SPAG16: variants seen among roughly 807,000 people sequenced by gnomAD.
SPAG16 encodes sperm-associated antigen 16 protein.
SPAG16 carries 86 observed loss-of-function variants against 80.4 expected under a neutral mutation model. That is an observed-to-expected ratio of 1.07 (90% CI 0.90 to 1.28). SPAG16 has a LOEUF of 1.28. Ranked by LOEUF, SPAG16 falls within the 50% of genes most tolerant of loss-of-function variation. The probability of loss-of-function intolerance (pLI) is 0.00; values close to 1 mark genes in which losing one functional copy is unlikely to be tolerated. For missense variants in SPAG16, 870 were observed against 765.3 expected, an observed-to-expected ratio of 1.14 and a Z score of -1.61; for synonymous variants, 294 against 265.9, an observed-to-expected ratio of 1.11 and a Z score of -1.03.
chr2:214,265,337 G>T (rs1318980630), intron 15 of SPAG16, among the ~76,000 whole-genome samples: 1 of 151,930 alleles, frequency 6.6e-6, no homozygotes, highest in Non-Finnish European at 1.5e-5. Flanking sequence ...GTTTTAATTT[G>T]CAATTTCCTG....
intron 15 of SPAG16, among the ~76,000 whole-genome samples, chr2:214,350,296 G>A (rs1698311847): frequency 6.6e-6 from 1 of 152,150 alleles, no homozygotes; most frequent in South Asian, 2.1e-4. Flanking sequence ...TCGGACTCCA[G>A]TTGCAAATAT....
At chr2:213,953,733 A>T (rs1446950152) in intron 12 of SPAG16, among the ~76,000 whole-genome samples, 1 of 152,006 alleles carries the variant, frequency 6.6e-6, no homozygotes, top group Non-Finnish European at 1.5e-5. Flanking sequence ...TTAAGAAGGA[A>T]GAAATTATAA....
At chr2:214,308,601 A>G (rs1695084547) in intron 15 of SPAG16, among the ~76,000 whole-genome samples, 1 of 151,818 alleles carries the variant, frequency 6.6e-6, no homozygotes, top group Non-Finnish European at 1.5e-5. Flanking sequence ...TTCCCTCAGC[A>G]TTTGCTTGTC....
intron 14 of SPAG16, among the ~76,000 whole-genome samples, chr2:214,125,121 T>C (rs1455821786): frequency 6.6e-6 from 1 of 151,714 alleles, no homozygotes; most frequent in Non-Finnish European, 1.5e-5. Context: ...CTTTTGTTTC[T>C]AACTTTAATA....
intron 10 of SPAG16, among the ~76,000 whole-genome samples, chr2:213,492,572 A>G (rs1196881000): frequency 6.6e-6 from 1 of 151,866 alleles, no homozygotes; most frequent in Admixed American, 6.6e-5. Context: ...AAAACAACCA[A>G]AAGAAAACAG....
At chr2:213,815,606 C>G (rs1398244365) in intron 10 of SPAG16, among the ~76,000 whole-genome samples, 1 of 151,638 alleles carries the variant, frequency 6.6e-6, no homozygotes, top group Non-Finnish European at 1.5e-5. Context: ...TATCAAATAC[C>G]CAGGTGGTAC....
At chr2:214,087,248 A>G (rs777072433) in intron 13 of SPAG16, among the ~76,000 whole-genome samples, 5 of 152,182 alleles carry the variant, frequency 3.3e-5, no homozygotes, top group African/African-American at 4.8e-5. Flanking sequence ...AGGACGCTAT[A>G]TAATAATGTA....
intron 15 of SPAG16, among the ~76,000 whole-genome samples, chr2:214,400,147 T>G (rs1363525717): frequency 1.3e-5 from 2 of 152,038 alleles, no homozygotes; most frequent in Non-Finnish European, 2.9e-5. Context: ...GCTCTCCTAA[T>G]AGGGGGGAAA....
At chr2:213,320,920 C>T (rs1170794394) in intron 5 of SPAG16, among the ~76,000 whole-genome samples, 3 of 151,952 alleles carry the variant, frequency 2.0e-5, no homozygotes, top group Admixed American at 2.0e-4. Context: ...ATGCTACCAG[C>T]CTGCCCCAAA....
chr2:213,423,432 T>C (rs1048490882), intron 9 of SPAG16, among the ~76,000 whole-genome samples: 17 of 152,160 alleles, frequency 1.1e-4, no homozygotes, highest in African/African-American at 3.6e-4. Context: ...AATTAGACCC[T>C]GGAGAGAGGG....
chr2:213,468,998 A>G (rs889315644), intron 9 of SPAG16, among the ~76,000 whole-genome samples: 1 of 152,026 alleles, frequency 6.6e-6, no homozygotes, highest in Non-Finnish European at 1.5e-5. Flanking sequence ...AGCTGATTAG[A>G]TTGTGCCCAC....
At chr2:214,105,288 T>C (rs529921390) in intron 13 of SPAG16, among the ~76,000 whole-genome samples, 3 of 152,274 alleles carry the variant, frequency 2.0e-5, no homozygotes, top group South Asian at 2.1e-4. Context: ...GGTGGATATG[T>C]CAACTGGAAA....
At chr2:214,172,570 T>A (rs1029275189) in intron 15 of SPAG16, among the ~76,000 whole-genome samples, 2 of 152,146 alleles carry the variant, frequency 1.3e-5, no homozygotes, top group African/African-American at 4.8e-5. Flanking sequence ...TACGTGTGCA[T>A]GTGTCCTTAT....
At chr2:213,700,871 GC>G (rs2065380656) in intron 10 of SPAG16, among the ~76,000 whole-genome samples, 1 of 152,100 alleles carries the variant, frequency 6.6e-6, no homozygotes, top group South Asian at 2.1e-4. Flanking sequence ...TCTAGGCCAG[GC>G]GTGGTGGCTC....
At chr2:213,791,163 G>A (rs1317616817) in intron 10 of SPAG16, among the ~76,000 whole-genome samples, 2 of 151,610 alleles carry the variant, frequency 1.3e-5, no homozygotes, top group African/African-American at 2.4e-5. Context: ...ATTTCTTTTA[G>A]AGCAAAACTA....
chr2:213,615,495 G>A (rs528063837), intron 10 of SPAG16, among the ~76,000 whole-genome samples: 1 of 152,306 alleles, frequency 6.6e-6, no homozygotes, highest in East Asian at 1.9e-4. Context: ...GGAGGCTGAG[G>A]CAGGAAAATC....
chr2:214,075,714 G>C (rs1323856455), intron 13 of SPAG16, among the ~76,000 whole-genome samples: 3 of 152,112 alleles, frequency 2.0e-5, no homozygotes, highest in Non-Finnish European at 4.4e-5. Context: ...CCAAGGCAGG[G>C]AAATACACAC....
At chr2:213,575,082 T>C (rs17701917) in intron 10 of SPAG16, among the ~76,000 whole-genome samples, 6,346 of 152,220 alleles carry the variant, frequency 0.042, 189 homozygotes, top group Middle Eastern at 0.11. Flanking sequence ...ACTAAAACTC[T>C]ATGAAACATT....
At chr2:213,941,940 T>A (rs747477724) in intron 12 of SPAG16, among the ~76,000 whole-genome samples, 1 of 152,208 alleles carries the variant, frequency 6.6e-6, no homozygotes, top group African/African-American at 2.4e-5. Flanking sequence ...TTTTCTACTC[T>A]GTGAGCACCA....
Sources: gnomAD v4.1 joint callset for allele counts (sites outside exome capture counted in the v4.1 genomes callset) on GRCh38, gnomAD v4.1.1 for gene constraint, MANE v1.5 for transcripts, NCBI Gene and HGNC (gene_info 2026-07-23, HGNC 2026-07-21) for gene names.